The following PLD5 variants were observed in gnomAD, a reference collection of about 807,000 sequenced individuals.
PLD5 encodes phospholipase D family member 5.
In PLD5, 36 loss-of-function variants were observed where a neutral mutation model predicts 61.1. The ratio of observed to expected loss-of-function variants is 0.59; its 90% CI spans 0.45 to 0.78. The LOEUF (loss-of-function observed/expected upper bound fraction) is 0.78. PLD5 is among the 30% of genes least tolerant of loss of function. The pLI is 0.00. For synonymous variants in PLD5, 243 were observed against 242.8 expected (o/e 1.00, Z -0.01); for missense variants, 515 against 644.4 (o/e 0.80, Z 2.17).
intron 1 of PLD5, among the ~76,000 whole-genome samples, chr1:242,459,146 G>A (rs932130064): frequency 1.3e-5 from 2 of 152,166 alleles, no homozygotes; most frequent in Non-Finnish European, 1.5e-5. Flanking sequence ...CATGAGTTTA[G>A]AACATAGATT....
At chr1:242,322,098 A>G (rs919992534) in intron 2 of PLD5, among the ~76,000 whole-genome samples, 2 of 152,206 alleles carry the variant, frequency 1.3e-5, no homozygotes, top group African/African-American at 4.8e-5. Flanking sequence ...TACCTTGGGA[A>G]GTGTCTGCAT....
chr1:242,109,758 G>A (rs1191477382), intron 7 of PLD5, among the ~76,000 whole-genome samples: 1 of 151,896 alleles, frequency 6.6e-6, no homozygotes, highest in Non-Finnish European at 1.5e-5. Flanking sequence ...TGAATTATAA[G>A]TCAGTGAGCA....
intron 2 of PLD5, among the ~76,000 whole-genome samples, chr1:242,328,380 T>C (rs1658943718): frequency 1.3e-5 from 2 of 152,326 alleles, no homozygotes; most frequent in Admixed American, 6.5e-5. Context: ...TCTACATGTG[T>C]TCACACGTGT....
Position 242,394,987 on chromosome 1 carries a change from G to GATTATATA in PLD5, c.190-46746_190-46745insTATATAAT, listed in dbSNP as rs1558527932. On this transcript the variant is annotated intron_variant, in intron 1 of 9. Transcript: ENST00000536534. ...TATATGATTATATATGAATATATAT[G>GATTATATA]AATATATATGTATATATGAATATAT... Among the ~76,000 whole-genome samples the GATTATATA allele has an allele frequency of 6.5e-4, 36 of 55,100 alleles. 2 individuals are homozygous for GATTATATA. Among genetic ancestry groups the GATTATATA allele is most frequent in the African/African-American group, 2.9e-3 (34 of 11,644 alleles). 36.1% of individuals were successfully genotyped at this position (55,100 alleles called of 152,430 possible).
chr1:242,176,009 C>A (rs916641607), intron 5 of PLD5, among the ~76,000 whole-genome samples: 8 of 152,130 alleles, frequency 5.3e-5, no homozygotes, highest in African/African-American at 4.8e-5. Context: ...GGCCATACTG[C>A]CCAAAGTAAT....
intron 2 of PLD5, among the ~76,000 whole-genome samples, chr1:242,328,694 A>G (rs1658979682): frequency 6.6e-6 from 1 of 152,224 alleles, no homozygotes; most frequent in African/African-American, 2.4e-5. Flanking sequence ...CTTCTCACTC[A>G]AAGAGTAGTA....
intron 1 of PLD5, among the ~76,000 whole-genome samples, chr1:242,357,823 G>A (rs1272584837): frequency 6.6e-6 from 1 of 152,068 alleles, no homozygotes; most frequent in African/African-American, 2.4e-5. Context: ...CTTTCAATAT[G>A]TTTTCTGGCC....
intron 1 of PLD5, among the ~76,000 whole-genome samples, chr1:242,403,095 G>A (rs548817779): frequency 2.2e-4 from 33 of 152,284 alleles, no homozygotes; most frequent in Admixed American, 7.8e-4. Flanking sequence ...TTTTTCTTTC[G>A]GAAAGATGCT....
At chr1:242,253,226 A>G (rs1325912385) in intron 4 of PLD5, among the ~76,000 whole-genome samples, 1 of 140,742 alleles carries the variant, frequency 7.1e-6, no homozygotes, top group Non-Finnish European at 1.5e-5. Context: ...GGAACTCCTG[A>G]GCTCAAATGA....
chr1:242,318,959 G>A (rs1243015216), intron 2 of PLD5, among the ~76,000 whole-genome samples: 2 of 152,132 alleles, frequency 1.3e-5, no homozygotes, highest in African/African-American at 4.8e-5. Flanking sequence ...GGAAAGGGGT[G>A]GAGGCAAGTG....
intron 1 of PLD5, among the ~76,000 whole-genome samples, chr1:242,477,484 C>T (rs1013271598): frequency 6.6e-5 from 10 of 152,122 alleles, no homozygotes; most frequent in African/African-American, 2.4e-4. Context: ...AATAATTTCC[C>T]GATAACTTTG....
intron 1 of PLD5, among the ~76,000 whole-genome samples, chr1:242,349,973 G>A (rs1660381612): frequency 6.6e-6 from 1 of 152,068 alleles, no homozygotes; most frequent in Non-Finnish European, 1.5e-5. Flanking sequence ...AGGGTTTTGA[G>A]GCTGCAGTGC....
At chr1:242,460,272 G>A (rs1967215) in intron 1 of PLD5, among the ~76,000 whole-genome samples, 104,334 of 151,938 alleles carry the variant, frequency 0.69, 36,533 homozygotes, top group African/African-American at 0.82. Flanking sequence ...CTTAATCATA[G>A]ATGCTGGTAT....
chr1:242,234,497 C>T (rs1325882953), intron 4 of PLD5, among the ~76,000 whole-genome samples: 2 of 152,082 alleles, frequency 1.3e-5, no homozygotes, highest in African/African-American at 4.8e-5. Flanking sequence ...GAGGCAATGC[C>T]AGGTGTCAGC....
intron 5 of PLD5, among the ~76,000 whole-genome samples, chr1:242,160,300 C>A (rs1420940591): frequency 6.6e-6 from 1 of 152,050 alleles, no homozygotes; most frequent in African/African-American, 2.4e-5. Flanking sequence ...GGATTCTAGG[C>A]AGATGGCCCA....
rs192521885 is a variant in PLD5, at chr1:242,309,130, T to A, written c.327-20600A>T. On this transcript the variant is annotated intron_variant, in intron 2 of 9. Transcript: ENST00000536534. Reference sequence around the variant, plus strand: ...ACCTTGAATGGAGGGAAAGAATACATTCAGGAAGAAGAGGCCATAGAAAGC... The same window carrying A: ...ACCTTGAATGGAGGGAAAGAATACAATCAGGAAGAAGAGGCCATAGAAAGC... Among the ~76,000 whole-genome samples, 552 of 152,124 alleles carry A rather than the reference T, an allele frequency of 3.6e-3. 2 individuals are homozygous for A. Among genetic ancestry groups the A allele is most frequent in the Middle Eastern group, 6.8e-3 (2 of 294 alleles).
At chr1:242,098,945 C>T (rs544868381) in intron 9 of PLD5, among the ~76,000 whole-genome samples, 22 of 152,200 alleles carry the variant, frequency 1.4e-4, no homozygotes, top group South Asian at 1.0e-3. Flanking sequence ...AGTACCCCAC[C>T]GTGTGAGGTG....
chr1:242,520,490 T>C (rs559061962), intron 1 of PLD5, among the ~76,000 whole-genome samples: 8 of 152,272 alleles, frequency 5.3e-5, no homozygotes, highest in African/African-American at 1.9e-4. Flanking sequence ...TAATAAGAAA[T>C]GATATCGAAG....
At chr1:242,518,865 C>T (rs1400324171) in intron 1 of PLD5, among the ~76,000 whole-genome samples, 2 of 152,006 alleles carry the variant, frequency 1.3e-5, no homozygotes, top group South Asian at 2.1e-4. Flanking sequence ...GAGAGAAGTC[C>T]GTTAGTGGGT....
Sources: allele counts gnomAD v4.1 joint callset (sites outside exome capture counted in the v4.1 genomes callset), GRCh38; gene constraint gnomAD v4.1.1; transcripts MANE v1.5; gene names NCBI Gene and HGNC (gene_info 2026-07-23, HGNC 2026-07-21).